The following ZFP57 variants were observed in gnomAD, a reference collection of about 807,000 sequenced individuals.
ZFP57 encodes the protein ZFP57 zinc finger protein, also known as zinc finger protein 57 homolog.
Under a neutral mutation model 15.8 loss-of-function variants are expected in ZFP57, and 12 were observed. The ratio of observed to expected loss-of-function variants is 0.76; its 90% CI spans 0.49 to 1.23. The LOEUF is 1.23. Among genes scored for constraint, ZFP57 ranks in the 50% most tolerant of loss-of-function variants. ZFP57 has a pLI of 0.00. For synonymous variants in ZFP57, 203 were observed against 242.3 expected (o/e 0.84, Z 1.51); for missense variants, 536 against 654.9 (o/e 0.82, Z 1.98).
chr6:29,673,348 C>T lies in ZFP57; in HGVS notation c.763G>A (p.Gly255Ser). ...GLSRHRRVHL[G>S]YRPHSCSVCG... ...ACAGAGCATGAATGGGGCCGGTAAC[C>T]CAGATGGACGCGGCGGTGACGACTT... Residue 255 changes from glycine (G) to serine (S), a missense_variant, in exon 5 of 5, where the codon GGT becomes AGT. Gly to Ser is a moderately conservative substitution (Grantham distance 56). Coordinates refer to ENST00000376883, the MANE Select transcript of ZFP57 (RefSeq NM_001109809.5). The surrounding 1 kb of genome is among the most constrained non-coding windows in gnomAD (Gnocchi z 4.7). 1 of 1,613,028 alleles carries T rather than the reference C, an allele frequency of 6.2e-7. No individual in the cohort carries two copies. The highest frequency in any genetic ancestry group is 8.5e-7 in the Non-Finnish European group (1 of 1,180,032).
At position 29,673,153 on chromosome 6, in the gene ZFP57, C is replaced by G. The variant is rs1166547350; in HGVS notation, c.958G>C (p.Asp320His). Reference sequence around the variant, plus strand: ...CTGGCCACTGGTGCATGGTTCACATCCAAAAGCCCCTGGATGGACCTCTGG... The same window carrying G: ...CTGGCCACTGGTGCATGGTTCACATGCAAAAGCCCCTGGATGGACCTCTGG... ...RSQRSIQGLL[D>H]VNHAPVARSQ... Residue 320 changes from aspartate (D) to histidine (H), a missense_variant, in exon 5 of 5, where the codon GAT becomes CAT. Physicochemically the swap from Asp to His is moderately conservative, Grantham distance 81. Transcript: ENST00000376883. This position sits in a 1 kb window ranked among gnomAD's most constrained non-coding sequence, Gnocchi z 4.7. 1 of 1,612,926 alleles carries G rather than the reference C, an allele frequency of 6.2e-7. No homozygotes were observed. The highest frequency in any genetic ancestry group is 8.5e-7 in the Non-Finnish European group (1 of 1,180,000).
intron 1 of ZFP57, among the ~76,000 whole-genome samples, chr6:29,679,610 C>G (rs1303333036): frequency 3.3e-5 from 5 of 152,192 alleles, no homozygotes; most frequent in Admixed American, 2.0e-4. Flanking sequence ...CTTAATAAGG[C>G]TGGGCACGGT....
At chr6:29,678,963 G>T (rs1426754602) in intron 1 of ZFP57, among the ~76,000 whole-genome samples, 1 of 152,216 alleles carries the variant, frequency 6.6e-6, no homozygotes, top group African/African-American at 2.4e-5. Flanking sequence ...TGAGGTGAAG[G>T]TTGCAGTGAG....
At chr6:29,676,860 T>TC (rs1488409902) in intron 2 of ZFP57, 21 bp downstream of exon 2, 1 of 1,613,826 alleles carries the variant, frequency 6.2e-7, no homozygotes. Context: ...ACCCCACCTC[T>TC]CTCTAGCTTA....
Position 29,677,886 on chromosome 6 carries a change from T to C in ZFP57, c.-363-520A>G, listed in dbSNP as rs116414636. Among the ~76,000 whole-genome samples, 1,111 of 152,212 alleles carry C rather than the reference T, an allele frequency of 7.3e-3. 9 individuals are homozygous for C. Among genetic ancestry groups the C allele is most frequent in the African/African-American group, 0.024 (1,002 of 41,532 alleles). On this transcript the variant is annotated intron_variant, in intron 1 of 4. Transcript: ENST00000376883. ...TGCTTCAGTTACCCATGGTCAACCA[T>C]GGTTCAAAAATATTAAATGAAAAAT...
Position 29,673,662 on chromosome 6 carries a change from TGGCC to T in ZFP57, c.445_448del (p.Gly149SerfsTer52). On this transcript the variant is annotated frameshift_variant, in exon 5 of 5. Coordinates refer to ENST00000376883, the MANE Select transcript of ZFP57 (RefSeq NM_001109809.5). LOFTEE classifies it low-confidence loss of function (END_TRUNC). This position sits in a 1 kb window ranked among gnomAD's most constrained non-coding sequence, Gnocchi z 4.7. ...CCCAGCTGGGGCAGATAGGGGGCAC[TGGCC>T]GGCCCCTCTGCATGCAAGGAAGACC... 1.2e-6 allele frequency: 2 copies of T among 1,612,908 alleles called. No homozygotes were observed. Among genetic ancestry groups the T allele is most frequent in the Non-Finnish European group, 1.7e-6 (2 of 1,179,936 alleles).
intron 4 of ZFP57, 62 bp downstream of exon 4, chr6:29,675,324 T>C: frequency 8.3e-7 from 1 of 1,207,840 alleles, no homozygotes; most frequent in Non-Finnish European, 1.2e-6. Context: ...TCATCAGCTC[T>C]CCATCCTTTC....
rs574707884 is a variant in ZFP57 at position 29,676,055 on chromosome 6, G to A, written c.128C>T (p.Pro43Leu). 7.5e-6 allele frequency: 12 copies of A among 1,605,072 alleles called. No homozygotes were observed. The African/African-American group carries it at 9.6e-5, about 13-fold the overall frequency. ...CWREARVKKK[P>L]VTFEDVAVNF... ...CACTGCCACATCCTCAAAGGTGACT[G>A]GCTTCTGGAAGAACAGGAGAGACTC... is the stretch of plus-strand genomic sequence containing the variant. Residue 43 changes from proline (P) to leucine (L), a missense_variant, in exon 3 of 5, where the codon CCA becomes CTA. By Grantham distance (98) the Pro-to-Leu change is moderately conservative. Transcript: ENST00000376883.
chr6:29,676,225 C>A, intron 2 of ZFP57, 166 bp from the exon 3 acceptor site: 1 of 802,864 alleles, frequency 1.2e-6, no homozygotes, highest in Non-Finnish European at 1.9e-6. Flanking sequence ...AGACACAAGG[C>A]CAGCAACTGT....
At position 29,676,935 on chromosome 6, in the gene ZFP57, G is replaced by A; in HGVS notation, c.69C>T (p.Ala23=). The A allele has an allele frequency of 6.2e-7, 1 of 1,614,182 alleles. No homozygotes were observed. Among genetic ancestry groups the A allele is most frequent in the South Asian group, 1.1e-5 (1 of 91,080 alleles). Residue 23 remains alanine (A), a synonymous_variant, in exon 2 of 5, where the codon GCC becomes GCT. Coordinates refer to ENST00000376883, the MANE Select transcript of ZFP57 (RefSeq NM_001109809.5). ...CTCTCTTCATGGCTTCCTGCAGGGT[G>A]GCAGCTACCTCGCCCACCCATGGGA... The part of the protein sequence containing the change: ...KTLPWVGEVA[A]TLQEAMKRDC...
intron 2 of ZFP57, among the ~76,000 whole-genome samples, chr6:29,676,326 G>A (rs764115889): frequency 1.3e-5 from 2 of 151,884 alleles, no homozygotes; most frequent in Non-Finnish European, 2.9e-5. Context: ...TCACGAGGTC[G>A]GGAGTTCGAG....
rs1479334085 is a variant in ZFP57 at position 29,674,026 on chromosome 6, G to A, written c.353-268C>T. 7.9e-5 allele frequency among the ~76,000 whole-genome samples: 12 copies of A among 151,800 alleles called. 1 individual carries two copies. The highest frequency in any genetic ancestry group is 7.7e-4 in the East Asian group (4 of 5,180). ...GGACAATCACTCGAACCCGGGAGGC[G>A]GAGGTTGCAGTGAGCCAAGATGGTG... On this transcript the variant is annotated intron_variant, in intron 4 of 4. Transcript: ENST00000376883.
At position 29,675,454 on chromosome 6, in the gene ZFP57, G is replaced by T; in HGVS notation, c.284C>A (p.Thr95Asn). The part of the protein sequence containing the change: ...RIFLHKPELI[T>N]KLEQEEEQWR... Reference sequence around the variant, plus strand: ...CTGTTCCTCTTCTTGCTCAAGCTTGGTGATTAGCTCTGGCTTATGCAGAAA... The same window carrying T: ...CTGTTCCTCTTCTTGCTCAAGCTTGTTGATTAGCTCTGGCTTATGCAGAAA... The change falls in exon 4 of 5, where the codon ACC becomes AAC. Residue 95 changes from threonine to asparagine, a missense_variant. Transcript: ENST00000376883. 1.2e-6 allele frequency: 2 copies of T among 1,614,110 alleles called. No homozygotes were observed. The highest frequency in any genetic ancestry group is 1.7e-6 in the Non-Finnish European group (2 of 1,180,022).
At chr6:29,679,910 C>CA (rs67398923) in intron 1 of ZFP57, among the ~76,000 whole-genome samples, 67 of 107,248 alleles carry the variant, frequency 6.2e-4, no homozygotes, top group Non-Finnish European at 9.3e-4. Flanking sequence ...AACAAACAAA[C>CA]AAAAAAAAAC....
Sources: allele counts gnomAD v4.1 joint callset (sites outside exome capture counted in the v4.1 genomes callset), GRCh38; gene constraint gnomAD v4.1.1; non-coding constraint Gnocchi (gnomAD v3.1); transcripts MANE v1.5; gene names NCBI Gene and HGNC (gene_info 2026-07-23, HGNC 2026-07-21).